Variants in EPB41 observed in about 807,000 individuals in gnomAD.
EPB41 encodes the protein erythrocyte membrane protein band 4.1.
Under a neutral mutation model 108.0 loss-of-function variants are expected in EPB41, and 65 were observed. The ratio of observed to expected loss-of-function variants is 0.60; its 90% CI spans 0.49 to 0.74. EPB41 has a LOEUF of 0.74. Among genes scored for constraint, EPB41 ranks in the 30% least tolerant of loss-of-function variants. EPB41 has a pLI of 0.00. For synonymous variants in EPB41, 336 were observed against 358.9 expected, an observed-to-expected ratio of 0.94 and a Z score of 0.72; for missense variants, 875 against 1,037.0, an observed-to-expected ratio of 0.84 and a Z score of 2.15.
intron 1 of EPB41, among the ~76,000 whole-genome samples, chr1:28,955,873 T>A (rs1460371248): frequency 6.6e-6 from 1 of 152,202 alleles, no homozygotes; most frequent in Admixed American, 6.5e-5. Context: ...TTAATCTGTT[T>A]GAAAACAATG....
chr1:28,906,404 A>G (rs1306779917), intron 1 of EPB41, among the ~76,000 whole-genome samples: 1 of 152,214 alleles, frequency 6.6e-6, no homozygotes, highest in Non-Finnish European at 1.5e-5. Context: ...TGTTTCTTGG[A>G]AAACCCTCTA....
At chr1:28,931,304 G>A (rs1416616546) in intron 1 of EPB41, among the ~76,000 whole-genome samples, 1 of 150,462 alleles carries the variant, frequency 6.6e-6, no homozygotes, top group Non-Finnish European at 1.5e-5. Flanking sequence ...AGGCTGAGGT[G>A]GGAGGGTCAC....
intron 11 of EPB41, among the ~76,000 whole-genome samples, chr1:29,044,054 T>C (rs535619715): frequency 5.3e-5 from 8 of 152,302 alleles, no homozygotes; most frequent in African/African-American, 1.9e-4. Flanking sequence ...ATAAGTTAAG[T>C]TTGAGGCATA....
At chr1:28,940,311 G>A (rs2094221292) in intron 1 of EPB41, among the ~76,000 whole-genome samples, 1 of 152,206 alleles carries the variant, frequency 6.6e-6, no homozygotes, top group Admixed American at 6.5e-5. Context: ...TGTTTCTTGG[G>A]AAATGGTTGA....
chr1:28,971,608 C>T (rs1483024482), intron 1 of EPB41, among the ~76,000 whole-genome samples: 1 of 152,208 alleles, frequency 6.6e-6, no homozygotes, highest in Non-Finnish European at 1.5e-5. Flanking sequence ...GCCACTTTGA[C>T]ATCAGCAAGA....
chr1:29,022,029 A>G (rs1201413751), intron 7 of EPB41, among the ~76,000 whole-genome samples: 1 of 152,230 alleles, frequency 6.6e-6, no homozygotes, highest in Non-Finnish European at 1.5e-5. Context: ...GCTAATGACA[A>G]AATTCAAGCT....
At chr1:29,015,594 A>G (rs928952472) in intron 5 of EPB41, 98 bp from the exon 6 acceptor site, 18 of 831,712 alleles carry the variant, frequency 2.2e-5, no homozygotes, top group African/African-American at 3.5e-5. Flanking sequence ...AAAAAAAGAA[A>G]GAAAAAGAAA....
At chr1:28,957,843 C>T (rs973946285) in intron 1 of EPB41, among the ~76,000 whole-genome samples, 9 of 152,136 alleles carry the variant, frequency 5.9e-5, no homozygotes, top group East Asian at 1.9e-4. Context: ...TTCCTTATAC[C>T]GTCTTCATAC....
chr1:29,005,450 A>G (rs1385753717), intron 4 of EPB41, among the ~76,000 whole-genome samples: 2 of 152,218 alleles, frequency 1.3e-5, no homozygotes, highest in Non-Finnish European at 2.9e-5. Flanking sequence ...ACCTCTTTAA[A>G]TGCCATTTCT....
At chr1:29,056,766 T>G (rs1645529288) in intron 12 of EPB41, among the ~76,000 whole-genome samples, 1 of 152,070 alleles carries the variant, frequency 6.6e-6, no homozygotes, top group African/African-American at 2.4e-5. Flanking sequence ...TCTCAGGTGA[T>G]CCGCCCACCT....
intron 16 of EPB41, among the ~76,000 whole-genome samples, chr1:29,085,187 G>C (rs371380705): frequency 1.4e-5 from 2 of 139,844 alleles, no homozygotes; most frequent in Non-Finnish European, 3.0e-5. Flanking sequence ...TCAGTTGCCA[G>C]GCTGGAGTGC....
rs1361741579 is a variant in EPB41, at chr1:29,007,367, A to T, written c.787-4498A>T. Among the ~76,000 whole-genome samples, 3 of 152,204 alleles carry T rather than the reference A, an allele frequency of 2.0e-5. No homozygotes were observed. In the East Asian group the frequency reaches 5.8e-4, roughly 29 times the overall value. On this transcript the variant is annotated intron_variant, in intron 4 of 20. Coordinates refer to ENST00000343067, the MANE Select transcript of EPB41 (RefSeq NM_001376013.1). ...TTCTTGTAGGTGCCTTTTGGTATAC[A>T]TCTCACCGTAAACATTTCTGTTGGA...
chr1:28,888,700 C>G (rs953431257), intron 1 of EPB41, among the ~76,000 whole-genome samples: 11 of 152,272 alleles, frequency 7.2e-5, no homozygotes, highest in African/African-American at 2.6e-4. Flanking sequence ...CGATCTCGGC[C>G]CACTGCAAGC....
At chr1:28,993,303 T>C (rs748779568) in intron 2 of EPB41, 27 bp from the exon 3 acceptor site, 20 of 1,583,176 alleles carry the variant, frequency 1.3e-5, no homozygotes, top group Non-Finnish European at 1.7e-5. Context: ...TGTTTATTAC[T>C]GACTTGGCGA....
chr1:29,000,920 T>C (rs1306433054), intron 4 of EPB41, among the ~76,000 whole-genome samples: 2 of 152,076 alleles, frequency 1.3e-5, no homozygotes, highest in African/African-American at 4.8e-5. Context: ...AGGAACTTCA[T>C]TAGCACATGG....
chr1:29,038,232 G>A (rs1352059378), intron 10 of EPB41, among the ~76,000 whole-genome samples: 1 of 152,044 alleles, frequency 6.6e-6, no homozygotes, highest in Admixed American at 6.6e-5. Context: ...TTAATTATTG[G>A]CATTAACACA....
At chr1:28,982,398 A>G in intron 1 of EPB41, 3 of 738,526 alleles carry the variant, frequency 4.1e-6, no homozygotes, top group East Asian at 5.2e-5. Flanking sequence ...AAACTTTCGC[A>G]AAAGACTTGA....
Position 29,088,045 on chromosome 1 carries a change from C to CTTTTTTTTTTTTTTTT in EPB41, c.2185-9755_2185-9754insTTTTTTTTTTTTTTTT, listed in dbSNP as rs750809586. Among the ~76,000 whole-genome samples, 34 of 131,582 alleles carry CTTTTTTTTTTTTTTTT rather than the reference C, an allele frequency of 2.6e-4. 2 individuals are homozygous for CTTTTTTTTTTTTTTTT. The highest frequency in any genetic ancestry group is 4.9e-4 in the African/African-American group (18 of 36,458). 86.3% of individuals were successfully genotyped at this position (131,582 alleles called of 152,430 possible). ...CATCTTTTTTCCTTTTTCTTTTTTT[C>CTTTTTTTTTTTTTTTT]TTTTTTTCTTTTTTTTTTGAGATGG... On this transcript the variant is annotated intron_variant, in intron 16 of 20. Coordinates refer to ENST00000343067, the MANE Select transcript of EPB41 (RefSeq NM_001376013.1).
intron 1 of EPB41, among the ~76,000 whole-genome samples, chr1:28,934,705 T>TGTGTGTGTGTGTGTG (rs71030309): frequency 6.6e-6 from 1 of 151,632 alleles, no homozygotes; most frequent in African/African-American, 2.4e-5. Context: ...TGTGTGTGTG[T>TGTGTGTGTGTGTGTG]ATTTTAATAC....
Sources: allele counts gnomAD v4.1 joint callset (sites outside exome capture counted in the v4.1 genomes callset), GRCh38; gene constraint gnomAD v4.1.1; transcripts MANE v1.5; gene names NCBI Gene and HGNC (gene_info 2026-07-23, HGNC 2026-07-21).